IQCK: variants seen among roughly 807,000 people sequenced by gnomAD.
IQCK encodes IQ motif containing K, also known as IQ domain-containing protein K.
Under a neutral mutation model 28.1 loss-of-function variants are expected in IQCK, and 29 were observed. The ratio of observed to expected loss-of-function variants is 1.03; its 90% CI spans 0.77 to 1.41. The LOEUF is 1.41. Among genes scored for constraint, IQCK ranks in the 40% most tolerant of loss-of-function variants. IQCK has a pLI of 0.00. For missense variants in IQCK, 359 were observed against 314.7 expected (o/e 1.14, Z -1.07); for synonymous variants, 113 against 115.1 (o/e 0.98, Z 0.12).
chr16:19,760,798 A>G (rs2055127190), intron 4 of IQCK, among the ~76,000 whole-genome samples: 2 of 152,194 alleles, frequency 1.3e-5, no homozygotes, highest in African/African-American at 4.8e-5. Context: ...GTGCAGGAAT[A>G]AAAGAATGCC....
chr16:19,726,219 C>T lies in IQCK; in HGVS notation c.182-4211C>T, dbSNP rs142786998. On this transcript the variant is annotated intron_variant, in intron 1 of 7. Transcript: ENST00000564186. ...GTGAGCCACCGTGCCCAGTCCGGAA[C>T]TCCTGAGAGATTTCACTGGAAAAAT... Among the ~76,000 whole-genome samples the T allele has an allele frequency of 2.9e-3, 449 of 152,222 alleles. 2 individuals are homozygous for T. Among genetic ancestry groups the T allele is most frequent in the Non-Finnish European group, 5.1e-3 (345 of 68,006 alleles).
intron 6 of IQCK, among the ~76,000 whole-genome samples, chr16:19,774,524 TG>T (rs1431572895): frequency 6.7e-6 from 1 of 149,080 alleles, no homozygotes; most frequent in African/African-American, 2.5e-5. Context: ...GGATTACAGG[TG>T]TGTACCACCA....
chr16:19,731,206 G>C (rs1386549835), intron 2 of IQCK, among the ~76,000 whole-genome samples: 1 of 152,184 alleles, frequency 6.6e-6, no homozygotes, highest in East Asian at 1.9e-4. Context: ...GATGAAGACT[G>C]TGCTAAGGAG....
intron 2 of IQCK, 89 bp downstream of exon 2, chr16:19,730,583 G>A: frequency 9.8e-7 from 1 of 1,022,360 alleles, no homozygotes; most frequent in Non-Finnish European, 1.4e-6. Flanking sequence ...GTGTCACTGA[G>A]TTCAGGAGGT....
chr16:19,721,990 A>G (rs1324407913), intron 1 of IQCK, among the ~76,000 whole-genome samples: 2 of 152,232 alleles, frequency 1.3e-5, no homozygotes, highest in African/African-American at 4.8e-5. Context: ...ATGCTGTTGT[A>G]AAATCTGGCC....
chr16:19,817,348 ATGACTGGGATT>A (rs2056002782), intron 7 of IQCK, among the ~76,000 whole-genome samples: 1 of 152,158 alleles, frequency 6.6e-6, no homozygotes, highest in African/African-American at 2.4e-5. Context: ...CATGATGATA[ATGACTGGGATT>A]AGCCCAGTTC....
In IQCK at chr16:19,718,475, C is replaced by T. The variant is rs1335098694; in HGVS notation, c.169C>T (p.Gln57Ter). The T allele has an allele frequency of 1.2e-6, 2 of 1,606,026 alleles. No individual in the cohort carries two copies. Among genetic ancestry groups the T allele is most frequent in the African/African-American group, 2.7e-5 (2 of 74,910 alleles). ...GCCGTCAAGCAAGAATCTGTGGGAG[C>T]AGATCTGCAAGGGTAGGAAACCTGG... The change falls in exon 1 of 8, where the codon CAG becomes TAG. Residue 57 changes from glutamine to a stop codon, truncating the protein, a stop_gained. Coordinates refer to ENST00000564186, the Ensembl canonical transcript of IQCK. LOFTEE classifies it high-confidence loss of function.
intron 9 of IQCK, among the ~76,000 whole-genome samples, chr16:19,841,994 C>T (rs529942309): frequency 2.6e-5 from 4 of 152,118 alleles, no homozygotes; most frequent in Non-Finnish European, 5.9e-5. Flanking sequence ...TACAGGTGCC[C>T]ACCACCACGC....
At chr16:19,802,956 A>G (rs1223676384) in intron 7 of IQCK, among the ~76,000 whole-genome samples, 1 of 152,158 alleles carries the variant, frequency 6.6e-6, no homozygotes, top group African/African-American at 2.4e-5. Context: ...AGACTCGTTT[A>G]TTTGAACCTA....
intron 7 of IQCK, among the ~76,000 whole-genome samples, chr16:19,797,688 T>A: frequency 1.1e-5 from 1 of 88,860 alleles, no homozygotes; most frequent in African/African-American, 5.6e-5. Flanking sequence ...CAGAGAACAA[T>A]AAGAATCTGT....
In IQCK at chr16:19,764,189, A is replaced by G. The variant is rs2055194597; in HGVS notation, c.605+77A>G. The stretch of plus-strand genomic sequence containing the variant: ...TAATAATACTTTTCTTCCATCTAAG[A>G]GAACAAACTGATGTGATCCATCCAG... On this transcript the variant is annotated intron_variant, in intron 6 of 7. Coordinates refer to ENST00000564186, the Ensembl canonical transcript of IQCK. The G allele has an allele frequency of 5.8e-6, 7 of 1,209,982 alleles. No individual in the cohort carries two copies. The Admixed American group carries it at 1.2e-4, about 21-fold the overall frequency. 75.0% of individuals were successfully genotyped at this position (1,209,982 alleles called of 1,614,324 possible). A position where few individuals can be genotyped will look rare whatever the true frequency, so the allele number is the denominator to read the frequency against.
chr16:19,851,777 C>G (rs2056486534), intron 9 of IQCK, among the ~76,000 whole-genome samples: 1 of 152,164 alleles, frequency 6.6e-6, no homozygotes, highest in Admixed American at 6.5e-5. Flanking sequence ...TGGAAGCCAA[C>G]CACGATGATG....
At chr16:19,817,386 C>T (rs2056003291) in intron 7 of IQCK, among the ~76,000 whole-genome samples, 1 of 152,106 alleles carries the variant, frequency 6.6e-6, no homozygotes, top group African/African-American at 2.4e-5. Context: ...TGCGTGCTTT[C>T]CCCAGGGCTC....
chr16:19,783,840 T>C (rs771298512), intron 6 of IQCK, among the ~76,000 whole-genome samples: 3 of 152,176 alleles, frequency 2.0e-5, no homozygotes, highest in Non-Finnish European at 2.9e-5. Context: ...TCATTTTGCT[T>C]TTTGGAGATG....
At chr16:19,772,366 A>G (rs1048446715) in intron 6 of IQCK, among the ~76,000 whole-genome samples, 1 of 152,150 alleles carries the variant, frequency 6.6e-6, no homozygotes, top group Admixed American at 6.5e-5. Context: ...CAATGTGTGG[A>G]TCTTAATTGG....
chr16:19,735,578 T>A, intron 4 of IQCK, 128 bp downstream of exon 4: 1 of 753,312 alleles, frequency 1.3e-6, no homozygotes. Flanking sequence ...AAAGCCTGTG[T>A]TTGGGGTCAC....
At chr16:19,719,990 A>C (rs1335748007) in intron 1 of IQCK, among the ~76,000 whole-genome samples, 1 of 152,068 alleles carries the variant, frequency 6.6e-6, no homozygotes, top group East Asian at 1.9e-4. Context: ...AATTTTAATA[A>C]ATTTAAATAG....
chr16:19,853,623 GCTAT>G (rs1013845276), intron 9 of IQCK, among the ~76,000 whole-genome samples: 1 of 152,024 alleles, frequency 6.6e-6, no homozygotes, highest in Non-Finnish European at 1.5e-5. Context: ...CTGTCTGCCA[GCTAT>G]CTCTCTCTCT....
chr16:19,776,896 C>G (rs909022636), intron 6 of IQCK, among the ~76,000 whole-genome samples: 1 of 152,144 alleles, frequency 6.6e-6, no homozygotes, highest in Non-Finnish European at 1.5e-5. Flanking sequence ...ACCAGCCAAT[C>G]AGAGGCAATG....
Sources: allele counts gnomAD v4.1 joint callset (sites outside exome capture counted in the v4.1 genomes callset), GRCh38; gene constraint gnomAD v4.1.1; transcripts MANE v1.5; gene names NCBI Gene and HGNC (gene_info 2026-07-23, HGNC 2026-07-21).